Variants in DELE1 observed in about 807,000 individuals in gnomAD.
The protein encoded by DELE1 is death ligand signal enhancer.
DELE1 carries 54 observed loss-of-function variants against 59.3 expected under a neutral mutation model. That is an observed-to-expected ratio of 0.91 (90% CI 0.73 to 1.14). The LOEUF (loss-of-function observed/expected upper bound fraction) is 1.14, where lower values mean the gene tolerates loss of function less well. Ranked by LOEUF, DELE1 falls within the 50% of genes most tolerant of loss-of-function variation. The pLI is 0.00. For synonymous variants in DELE1, 264 were observed against 259.1 expected (o/e 1.02, Z -0.18); for missense variants, 636 against 643.9 (o/e 0.99, Z 0.13).
chr5:141,938,595 C>T lies in DELE1; in HGVS notation c.1384C>T (p.Leu462=). ...SSPSLCSLNT[L]LAGTSRLPHA... is the part of the protein sequence containing the mutation. ...CCCCTCCCTCTGCAGCTTGAACACC[C>T]TGCTAGCAGGAACCTCACGCCTACC... Residue 462 remains leucine (L), a synonymous_variant, in exon 12 of 12, where the codon CTG becomes TTG. Coordinates refer to ENST00000432126, the MANE Select transcript of DELE1 (RefSeq NM_014773.5). 6.2e-7 allele frequency: 1 copy of T among 1,614,164 alleles called. No homozygotes were observed. Among genetic ancestry groups the T allele is most frequent in the Non-Finnish European group, 8.5e-7 (1 of 1,180,028 alleles).
At position 141,937,004 on chromosome 5, in the gene DELE1, C is replaced by T. The variant is rs6580208; in HGVS notation, c.1150-194C>T. The T allele has an allele frequency of 0.015, 21,673 of 1,451,852 alleles. 2,725 individuals are homozygous for T. In the African/African-American group the frequency reaches 0.27, roughly 18 times the overall value. 89.9% of individuals were successfully genotyped at this position (1,451,852 alleles called of 1,614,324 possible). A position where few individuals can be genotyped will look rare whatever the true frequency, so the allele number is the denominator to read the frequency against. Reference sequence around the variant, plus strand: ...CCCTGGGTGGAGGGATCCCCCTCTCCTTTGTGTTGGGTGAGCTCTGAGCCT... The same window carrying T: ...CCCTGGGTGGAGGGATCCCCCTCTCTTTTGTGTTGGGTGAGCTCTGAGCCT... On this transcript the variant is annotated intron_variant, in intron 10 of 11. Coordinates refer to ENST00000432126, the MANE Select transcript of DELE1 (RefSeq NM_014773.5).
chr5:141,929,704 T>C lies in DELE1; in HGVS notation c.535T>C (p.Leu179=), dbSNP rs144583494. ...GCCCCGGAACTTCTCACACAACTCT[T>C]TGAGAGGAGCTCGTCCTCAGGACCC... ...AQPRNFSHNS[L]RGARPQDPSE... is the part of the protein sequence containing the mutation. Residue 179 remains leucine (L), a synonymous_variant, in exon 5 of 12, where the codon TTG becomes CTG. Transcript: ENST00000432126. 253 of 1,614,114 alleles carry C rather than the reference T, an allele frequency of 1.6e-4. No individual in the cohort carries two copies. Among genetic ancestry groups the C allele is most frequent in the Non-Finnish European group, 1.1e-4 (126 of 1,180,014 alleles).
chr5:141,939,542 C>A lies in DELE1; in HGVS notation c.*783C>A, dbSNP rs1752616523. The A allele has an allele frequency of 1.0e-6, 1 of 985,692 alleles. No homozygotes were observed. The highest frequency in any genetic ancestry group is 1.1e-4 in the East Asian group (1 of 8,814). The allele number at this position is 985,692 out of a possible 1,614,324, so 61.1% of individuals were successfully genotyped here. A position where few individuals can be genotyped will look rare whatever the true frequency, so the allele number is the denominator to read the frequency against. The stretch of plus-strand genomic sequence containing the variant: ...TTGCCCAAATGCCTGGATGTGTCTG[C>A]TTGACTTTCAGAACTTCTCACCTCA... On this transcript the variant is annotated 3_prime_UTR_variant, in exon 12 of 12. Transcript: ENST00000432126.
intron 2 of DELE1, 80 bp downstream of exon 2, chr5:141,924,775 A>C (rs914716856): frequency 8.9e-6 from 8 of 895,202 alleles, no homozygotes; most frequent in Non-Finnish European, 1.4e-5. Context: ...TTGTTTTTTG[A>C]GATGGAGTCT....
Position 141,941,934 on chromosome 5 carries a change from A to G in DELE1, c.*3175A>G. 7 of 985,230 alleles carry G rather than the reference A, an allele frequency of 7.1e-6. No individual in the cohort carries two copies. Among genetic ancestry groups the G allele is most frequent in the Non-Finnish European group, 7.2e-6 (6 of 829,906 alleles). The allele number at this position is 985,230 out of a possible 1,614,324, so 61.0% of individuals were successfully genotyped here. On this transcript the variant is annotated 3_prime_UTR_variant, in exon 12 of 12. Transcript: ENST00000432126. ...AAATAACTTGAATGAATAATTCTGT[A>G]TTGCCCCCCACTCGCCGCCTATACA...
intron 2 of DELE1, among the ~76,000 whole-genome samples, chr5:141,925,030 C>A (rs946218228): frequency 6.6e-6 from 1 of 152,040 alleles, no homozygotes; most frequent in Non-Finnish European, 1.5e-5. Flanking sequence ...TGGGTTCAAG[C>A]GATTCTGCTG....
rs542708829 is a variant in DELE1 at position 141,928,954 on chromosome 5, T to C, written c.413-628T>C. Among the ~76,000 whole-genome samples the C allele has an allele frequency of 8.6e-4, 131 of 152,192 alleles. 4 individuals carry two copies. The highest frequency in any genetic ancestry group is 3.0e-3 in the African/African-American group (124 of 41,412). Reference sequence around the variant, plus strand: ...CTTGTCCTTATTATGATGATAATCATTAGCAATATTGCTATCAAAGAAAGT... The same window carrying C: ...CTTGTCCTTATTATGATGATAATCACTAGCAATATTGCTATCAAAGAAAGT... On this transcript the variant is annotated intron_variant, in intron 4 of 11. Coordinates refer to ENST00000432126, the MANE Select transcript of DELE1 (RefSeq NM_014773.5).
intron 3 of DELE1, among the ~76,000 whole-genome samples, chr5:141,927,760 AC>A (rs1751535880): frequency 6.6e-6 from 1 of 152,120 alleles, no homozygotes; most frequent in Non-Finnish European, 1.5e-5. Context: ...GTGCCAACCT[AC>A]CCCATTATCT....
At chr5:141,929,879 G>C in intron 5 of DELE1, 110 bp from the exon 6 acceptor site, 1 of 1,504,410 alleles carries the variant, frequency 6.6e-7, no homozygotes. Context: ...GGGTTATTTC[G>C]GTTCCTGGCA....
rs372431713 is a variant in DELE1 at position 141,934,593 on chromosome 5, G to A, written c.1149+7G>A. On this transcript the variant is annotated splice_region_variant and intron_variant, in intron 10 of 11. Coordinates refer to ENST00000432126, the MANE Select transcript of DELE1 (RefSeq NM_014773.5). ...GCTTGCAGCCAACAATGGGGTATGC[G>A]ATCTCAGTGGACAAGCATGTTGGGG... 2.9e-5 allele frequency: 46 copies of A among 1,612,318 alleles called. No homozygotes were observed. Among genetic ancestry groups the A allele is most frequent in the Middle Eastern group, 1.7e-4 (1 of 6,056 alleles).
intron 10 of DELE1, chr5:141,936,802 C>A (rs1037969815): frequency 3.5e-6 from 3 of 848,916 alleles, no homozygotes; most frequent in Non-Finnish European, 4.2e-6. Context: ...TTCAGGAAGG[C>A]ACAGGGCCTT....
intron 11 of DELE1, 60 bp downstream of exon 11, chr5:141,937,417 T>C: frequency 6.3e-7 from 1 of 1,575,846 alleles, no homozygotes; most frequent in South Asian, 1.1e-5. Context: ...CTGTGACAGA[T>C]AAGTAGGTAG....
chr5:141,927,531 G>A (rs1751520508), intron 3 of DELE1, among the ~76,000 whole-genome samples: 1 of 152,214 alleles, frequency 6.6e-6, no homozygotes, highest in African/African-American at 2.4e-5. Context: ...AGGAGAGACA[G>A]GAGACAGGGA....
Position 141,934,580 on chromosome 5 carries a change from C to T in DELE1, c.1143C>T (p.Asn381=). Residue 381 remains asparagine (N), a synonymous_variant, in exon 10 of 12, where the codon AAC becomes AAT. Coordinates refer to ENST00000432126, the MANE Select transcript of DELE1 (RefSeq NM_014773.5). ...TGAAATATCTTTGGCTTGCAGCCAA[C>T]AATGGGGTATGCGATCTCAGTGGAC... ...RAVKYLWLAA[N]NGDSQSRYHL... 1 of 1,613,934 alleles carries T rather than the reference C, an allele frequency of 6.2e-7. No homozygotes were observed. Among genetic ancestry groups the T allele is most frequent in the South Asian group, 1.1e-5 (1 of 91,084 alleles).
chr5:141,934,361 C>G lies in DELE1; in HGVS notation c.1019C>G (p.Ser340Cys). 6.2e-7 allele frequency: 1 copy of G among 1,614,218 alleles called. No individual in the cohort carries two copies. The highest frequency in any genetic ancestry group is 1.1e-5 in the South Asian group (1 of 91,088). Residue 340 changes from serine (S) to cysteine (C), a missense_variant, in exon 9 of 12, where the codon TCC becomes TGC. Coordinates refer to ENST00000432126, the MANE Select transcript of DELE1 (RefSeq NM_014773.5). ...SWNPERQRAVSLLKQAADSGL... is the reference protein window; with the variant it reads ...SWNPERQRAVCLLKQAADSGL... ...AACCCTGAGCGGCAGAGGGCAGTGTCCTTGCTGAAGCAGGCTGCAGACTCA... is the reference window on the plus strand; with the variant it reads ...AACCCTGAGCGGCAGAGGGCAGTGTGCTTGCTGAAGCAGGCTGCAGACTCA...
chr5:141,938,869 A>C lies in DELE1; in HGVS notation c.*110A>C, dbSNP rs1184326935. On this transcript the variant is annotated 3_prime_UTR_variant, in exon 12 of 12. Coordinates refer to ENST00000432126, the MANE Select transcript of DELE1 (RefSeq NM_014773.5). ...CTTTCCAGGTAGAAATTCCAGCGGG[A>C]GTTCAGGTTCCCAAGCAATTTCACG... 1 of 1,493,496 alleles carries C rather than the reference A, an allele frequency of 6.7e-7. No homozygotes were observed. The highest frequency in any genetic ancestry group is 8.9e-7 in the Non-Finnish European group (1 of 1,129,146). 92.5% of individuals were successfully genotyped at this position (1,493,496 alleles called of 1,614,324 possible).
chr5:141,931,248 T>C (rs919194981), intron 7 of DELE1: 2 of 151,974 alleles, frequency 1.3e-5, no homozygotes, highest in African/African-American at 2.4e-5. Context: ...TGAGGCAGGA[T>C]TGGATTTTGA....
At chr5:141,925,646 C>A in intron 3 of DELE1, 119 bp downstream of exon 3, 1 of 562,168 alleles carries the variant, frequency 1.8e-6, no homozygotes, top group East Asian at 3.3e-5. Context: ...AACAAGTAAC[C>A]CATGGTATTG....
At chr5:141,933,140 A>T in intron 7 of DELE1, 119 bp from the exon 8 acceptor site, 1 of 302,736 alleles carries the variant, frequency 3.3e-6, no homozygotes, top group Admixed American at 3.9e-5. Context: ...ATATATGTAA[A>T]GTGTCTGGCA....
Sources: gnomAD v4.1 joint callset for allele counts (sites outside exome capture counted in the v4.1 genomes callset) on GRCh38, gnomAD v4.1.1 for gene constraint, MANE v1.5 for transcripts, NCBI Gene and HGNC (gene_info 2026-07-23, HGNC 2026-07-21) for gene names.